The following IL1RAPL2 variants were observed in gnomAD, a reference collection of about 807,000 sequenced individuals.
IL1RAPL2 encodes X-linked interleukin-1 receptor accessory protein-like 2.
IL1RAPL2 carries 3 observed loss-of-function variants against 44.1 expected under a neutral mutation model. The ratio of observed to expected loss-of-function variants is 0.07; its 90% CI spans 0.03 to 0.18. The LOEUF (loss-of-function observed/expected upper bound fraction) is 0.18. Ranked by LOEUF, IL1RAPL2 falls within the 10% of genes least tolerant of loss-of-function variation. IL1RAPL2 has a pLI of 1.00. For missense variants in IL1RAPL2, 391 were observed against 496.4 expected (o/e 0.79, Z 2.02); for synonymous variants, 181 against 178.8 (o/e 1.01, Z -0.10).
chrX:105,214,358 T>TAA (rs201596572), intron 3 of IL1RAPL2, among the ~76,000 whole-genome samples: 1 of 87,125 alleles, frequency 1.1e-5, no homozygotes, highest in Admixed American at 1.3e-4. Context: ...CCAACAAAGA[T>TAA]AAAAAAAAAA....
chrX:105,240,210 G>A (rs1556206677), intron 4 of IL1RAPL2, among the ~76,000 whole-genome samples: 1 of 112,576 alleles, frequency 8.9e-6, no homozygotes, highest in Non-Finnish European at 1.9e-5. Flanking sequence ...AGCTGCCCTG[G>A]TTCTCCATGA....
chrX:104,891,923 C>A (rs1923460969), intron 2 of IL1RAPL2, among the ~76,000 whole-genome samples: 1 of 111,492 alleles, frequency 9.0e-6, no homozygotes, highest in Non-Finnish European at 1.9e-5. Flanking sequence ...ATGATATTGG[C>A]TGTGGGTTTG....
At position 105,522,829 on chromosome X, in the gene IL1RAPL2, C is replaced by G. The variant is rs186502050; in HGVS notation, c.772+38442C>G. Among the ~76,000 whole-genome samples the G allele has an allele frequency of 8.2e-3, 917 of 111,709 alleles. 30 individuals carry two copies. The highest frequency in any genetic ancestry group is 0.078 in the Admixed American group (821 of 10,511). Reference sequence around the variant, plus strand: ...GGTATCTCAGTGCTTCTTCAATAATCAGTATCCTGTTTGGGAAACATTCCC... The same window carrying G: ...GGTATCTCAGTGCTTCTTCAATAATGAGTATCCTGTTTGGGAAACATTCCC... On this transcript the variant is annotated intron_variant, in intron 6 of 10. Coordinates refer to ENST00000372582, the MANE Select transcript of IL1RAPL2 (RefSeq NM_017416.2).
chrX:105,172,834 C>A (rs2033436075), intron 2 of IL1RAPL2, among the ~76,000 whole-genome samples: 1 of 111,191 alleles, frequency 9.0e-6, no homozygotes, highest in African/African-American at 3.3e-5. Context: ...TTTAGAATTT[C>A]TGCTACAAGA....
At chrX:104,919,169 C>T (rs1924552150) in intron 2 of IL1RAPL2, among the ~76,000 whole-genome samples, 1 of 110,663 alleles carries the variant, frequency 9.0e-6, no homozygotes, top group Admixed American at 9.6e-5. Flanking sequence ...TTATGCTACA[C>T]TTCAGGTCCT....
intron 5 of IL1RAPL2, among the ~76,000 whole-genome samples, chrX:105,467,052 C>G (rs1177777330): frequency 9.0e-6 from 1 of 111,321 alleles, no homozygotes; most frequent in Non-Finnish European, 1.9e-5. Flanking sequence ...AATCTTCTCC[C>G]AAAGGTCTCA....
At chrX:105,088,352 C>A (rs1414357375) in intron 2 of IL1RAPL2, among the ~76,000 whole-genome samples, 1 of 111,807 alleles carries the variant, frequency 8.9e-6, no homozygotes, top group African/African-American at 3.2e-5. Flanking sequence ...TAATTGAAAG[C>A]ACAGTTTGGT....
intron 5 of IL1RAPL2, among the ~76,000 whole-genome samples, chrX:105,462,407 C>T (rs146442514): frequency 7.7e-4 from 86 of 111,167 alleles, no homozygotes; most frequent in African/African-American, 2.8e-3. Flanking sequence ...TATGGATTTG[C>T]ATTCCCCATG....
At chrX:104,639,374 A>G (rs1284051174) in intron 1 of IL1RAPL2, among the ~76,000 whole-genome samples, 1 of 112,056 alleles carries the variant, frequency 8.9e-6, no homozygotes, top group Non-Finnish European at 1.9e-5. Flanking sequence ...TAAAAAGCCC[A>G]TTTAACTATT....
chrX:105,161,657 T>C (rs760673424), intron 2 of IL1RAPL2, among the ~76,000 whole-genome samples: 1 of 111,998 alleles, frequency 8.9e-6, no homozygotes, highest in East Asian at 2.8e-4. Flanking sequence ...ATCATTACAC[T>C]GGAACGTGGT....
intron 2 of IL1RAPL2, among the ~76,000 whole-genome samples, chrX:105,119,190 T>A (rs1040776092): frequency 2.7e-5 from 3 of 111,498 alleles, no homozygotes; most frequent in East Asian, 2.8e-4. Flanking sequence ...ACTTTTTTTT[T>A]AATGAGGGAG....
At chrX:105,489,133 A>G (rs1454492152) in intron 6 of IL1RAPL2, among the ~76,000 whole-genome samples, 1 of 112,040 alleles carries the variant, frequency 8.9e-6, no homozygotes, top group East Asian at 2.8e-4. Context: ...AGTCTATGCA[A>G]CTAACGTTCC....
chrX:105,238,756 G>T (rs1428721862), intron 4 of IL1RAPL2, among the ~76,000 whole-genome samples: 1 of 110,497 alleles, frequency 9.1e-6, no homozygotes, highest in African/African-American at 3.3e-5. Flanking sequence ...TTTTTGTCAG[G>T]TTCTCACTTA....
At chrX:104,796,257 T>C (rs1932849191) in intron 2 of IL1RAPL2, among the ~76,000 whole-genome samples, 1 of 112,399 alleles carries the variant, frequency 8.9e-6, no homozygotes, top group Non-Finnish European at 1.9e-5. Context: ...TTTTAAAACC[T>C]GTTGAAAGAT....
chrX:104,848,863 G>T (rs1265032216), intron 2 of IL1RAPL2, among the ~76,000 whole-genome samples: 1 of 109,969 alleles, frequency 9.1e-6, no homozygotes, highest in Admixed American at 9.7e-5. Context: ...ACAAACTTAT[G>T]GTTAGTAATT....
chrX:104,848,738 T>C (rs1387962455), intron 2 of IL1RAPL2, among the ~76,000 whole-genome samples: 1 of 109,014 alleles, frequency 9.2e-6, no homozygotes, highest in Non-Finnish European at 1.9e-5. Context: ...ATCAGTATTT[T>C]ATAGATGAGA....
intron 2 of IL1RAPL2, among the ~76,000 whole-genome samples, chrX:104,831,590 T>A (rs1300804533): frequency 1.8e-5 from 2 of 111,614 alleles, no homozygotes; most frequent in Non-Finnish European, 3.8e-5. Flanking sequence ...TGCCTCTTAG[T>A]GTATGTTGGT....
chrX:105,522,496 G>GT lies in IL1RAPL2; in HGVS notation c.772+38112dup, dbSNP rs1228951367. 2.7e-5 allele frequency among the ~76,000 whole-genome samples: 3 copies of GT among 112,001 alleles called. 1 individual carries two copies. Among genetic ancestry groups the GT allele is most frequent in the African/African-American group, 9.7e-5 (3 of 30,866 alleles). ...TGAGACCAGTAATTACATTCCTGTA[G>GT]TTTCAAACCCACCCCAGCTTCTTTG... On this transcript the variant is annotated intron_variant, in intron 6 of 10. Coordinates refer to ENST00000372582, the MANE Select transcript of IL1RAPL2 (RefSeq NM_017416.2).
At chrX:105,615,343 GAAAT>G (rs1454459443) in intron 6 of IL1RAPL2, among the ~76,000 whole-genome samples, 5 of 111,548 alleles carry the variant, frequency 4.5e-5, no homozygotes, top group Non-Finnish European at 9.4e-5. Context: ...AGAACCAAGA[GAAAT>G]AAAATCAGTA....
Sources: gnomAD v4.1 joint callset for allele counts (sites outside exome capture counted in the v4.1 genomes callset) on GRCh38, gnomAD v4.1.1 for gene constraint, MANE v1.5 for transcripts, NCBI Gene and HGNC (gene_info 2026-07-23, HGNC 2026-07-21) for gene names.